USP9X: variants seen among roughly 807,000 people sequenced by gnomAD.
USP9X encodes ubiquitin carboxyl-terminal hydrolase 9X.
In USP9X, 7 loss-of-function variants were observed where a neutral mutation model predicts 190.3. That is an observed-to-expected ratio of 0.04 (90% CI 0.02 to 0.07). The LOEUF (loss-of-function observed/expected upper bound fraction) is 0.07. Among genes scored for constraint, USP9X ranks in the 10% least tolerant of loss-of-function variants. The probability of loss-of-function intolerance (pLI) is 1.00; values close to 1 mark genes in which losing one functional copy is unlikely to be tolerated. For missense variants in USP9X, 1,010 were observed against 1,916.9 expected, an observed-to-expected ratio of 0.53 and a Z score of 8.83; for synonymous variants, 645 against 659.5, an observed-to-expected ratio of 0.98 and a Z score of 0.34.
At chrX:41,123,200 A>T (rs2062205638) in intron 1 of USP9X, among the ~76,000 whole-genome samples, 2 of 112,111 alleles carry the variant, frequency 1.8e-5, no homozygotes, top group Non-Finnish European at 3.8e-5. Context: ...TAATTTAATT[A>T]AAATGACAGT....
rs192434469 is a variant in USP9X, at chrX:41,165,780, A to G, written c.1986-92A>G. ...TCTTTTTATCTATAGTTAAAATATA[A>G]TGGTGATAAATGTATTTTATAGGTA... is the stretch of plus-strand genomic sequence containing the variant. On this transcript the variant is annotated intron_variant, in intron 15 of 44. Coordinates refer to ENST00000378308, the MANE Select transcript of USP9X (RefSeq NM_001039591.3). The G allele has an allele frequency of 5.6e-5, 37 of 660,826 alleles. No individual in the cohort carries two copies. In the East Asian group the frequency reaches 1.3e-3, roughly 23 times the overall value. 54.5% of individuals were successfully genotyped at this position (660,826 alleles called of 1,213,427 possible). A position where few individuals can be genotyped will look rare whatever the true frequency, so the allele number is the denominator to read the frequency against.
chrX:41,132,179 G>A (rs1166202023), intron 4 of USP9X, among the ~76,000 whole-genome samples: 1 of 110,968 alleles, frequency 9.0e-6, no homozygotes, highest in Non-Finnish European at 1.9e-5. Context: ...TTGTCACCCA[G>A]GCTGGAGTGT....
intron 13 of USP9X, among the ~76,000 whole-genome samples, chrX:41,152,473 C>T: frequency 9.0e-6 from 1 of 111,126 alleles, no homozygotes; most frequent in Non-Finnish European, 1.9e-5. Flanking sequence ...TGTGGTGACA[C>T]CTGTGGGCAA....
intron 39 of USP9X, among the ~76,000 whole-genome samples, chrX:41,223,728 T>C (rs1448667191): frequency 8.9e-6 from 1 of 111,865 alleles, no homozygotes; most frequent in East Asian, 2.8e-4. Context: ...TGAGCCACCA[T>C]GCCCAGCCCT....
At chrX:41,185,473 A>C (rs1272702833) in intron 23 of USP9X, among the ~76,000 whole-genome samples, 2 of 111,527 alleles carry the variant, frequency 1.8e-5, no homozygotes, top group Non-Finnish European at 3.8e-5. Context: ...ATGGAAAGCA[A>C]GGGAGGATAG....
intron 11 of USP9X, among the ~76,000 whole-genome samples, chrX:41,145,013 T>C (rs1273998609): frequency 9.0e-6 from 1 of 111,688 alleles, no homozygotes; most frequent in Non-Finnish European, 1.9e-5. Context: ...AAAATGTAAC[T>C]GATAAGGTAG....
At chrX:41,126,470 A>G (rs1352937448) in intron 2 of USP9X, among the ~76,000 whole-genome samples, 1 of 111,738 alleles carries the variant, frequency 8.9e-6, no homozygotes, top group African/African-American at 3.3e-5. Context: ...TGTCCATGGA[A>G]TTCTAACCTT....
At chrX:41,111,525 G>A (rs1382906336) in intron 1 of USP9X, among the ~76,000 whole-genome samples, 4 of 111,947 alleles carry the variant, frequency 3.6e-5, no homozygotes, top group African/African-American at 1.3e-4. Flanking sequence ...TTAGTAAGAA[G>A]ATAAACTCAC....
chrX:41,204,916 TA>T (rs1247358793), intron 31 of USP9X: 1 of 117,215 alleles, frequency 8.5e-6, no homozygotes. Context: ...GCATTTTATA[TA>T]CAACAGCTAC....
At position 41,133,110 on chromosome X, in the gene USP9X, A is replaced by G; in HGVS notation, c.322+1574A>G. Among the ~76,000 whole-genome samples, 2 of 112,198 alleles carry G rather than the reference A, an allele frequency of 1.8e-5. 1 individual carries two copies. The highest frequency in any genetic ancestry group is 1.9e-4 in the Admixed American group (2 of 10,570). On this transcript the variant is annotated intron_variant, in intron 4 of 44. Transcript: ENST00000378308. ...GAAACTGATTATTGTCAAAATTAAC[A>G]TGTTTAGTACTTTAAGTTCAACTCC...
intron 1 of USP9X, among the ~76,000 whole-genome samples, chrX:41,112,523 TA>T (rs1423479632): frequency 8.9e-6 from 1 of 112,132 alleles, no homozygotes; most frequent in Non-Finnish European, 1.9e-5. Flanking sequence ...ATTATACAAA[TA>T]AAGCACCTAC....
intron 1 of USP9X, among the ~76,000 whole-genome samples, chrX:41,113,902 C>G (rs1192992089): frequency 8.9e-6 from 1 of 112,577 alleles, no homozygotes; most frequent in African/African-American, 3.2e-5. Context: ...TGCACACAAA[C>G]GTTTTTATAG....
chrX:41,145,326 T>G (rs140138967), intron 11 of USP9X, among the ~76,000 whole-genome samples: 136 of 112,343 alleles, frequency 1.2e-3, no homozygotes, highest in African/African-American at 4.3e-3. Context: ...TGGTAAAGTT[T>G]AAGATTCTCA....
chrX:41,150,887 G>T (rs375269763), intron 12 of USP9X, 34 bp from the exon 13 acceptor site: 6 of 1,148,160 alleles, frequency 5.2e-6, no homozygotes, highest in Admixed American at 5.3e-5. Context: ...CCTGAGTATT[G>T]ATCTATTTAA....
intron 15 of USP9X, among the ~76,000 whole-genome samples, chrX:41,165,369 A>T (rs1418329580): frequency 9.0e-6 from 1 of 111,631 alleles, no homozygotes; most frequent in African/African-American, 3.3e-5. Flanking sequence ...GGGACTACAG[A>T]CATGAGCCAC....
intron 14 of USP9X, among the ~76,000 whole-genome samples, chrX:41,154,612 A>G (rs1425836104): frequency 1.8e-5 from 2 of 111,847 alleles, no homozygotes; most frequent in Admixed American, 1.9e-4. Flanking sequence ...TATCACAGGA[A>G]TGATTACATT....
At chrX:41,207,079 CTTTTTTTTT>C (rs34779889) in intron 32 of USP9X, among the ~76,000 whole-genome samples, 2 of 30,484 alleles carry the variant, frequency 6.6e-5, no homozygotes, top group Non-Finnish European at 1.0e-4. Flanking sequence ...GCTCCCTGGC[CTTTTTTTTT>C]TTTTTTTTTT....
intron 3 of USP9X, among the ~76,000 whole-genome samples, chrX:41,130,429 C>G (rs1346025233): frequency 9.4e-6 from 1 of 106,791 alleles, no homozygotes; most frequent in Non-Finnish European, 1.9e-5. Flanking sequence ...TTAGCAAGTT[C>G]TCAGGGGGGA....
intron 1 of USP9X, among the ~76,000 whole-genome samples, chrX:41,105,878 T>C (rs1259558461): frequency 8.9e-6 from 1 of 112,308 alleles, no homozygotes; most frequent in Non-Finnish European, 1.9e-5. Flanking sequence ...TGCATTTCCC[T>C]GATGGCTAAT....
Sources: allele counts gnomAD v4.1 joint callset (sites outside exome capture counted in the v4.1 genomes callset), GRCh38; gene constraint gnomAD v4.1.1; transcripts MANE v1.5; gene names NCBI Gene and HGNC (gene_info 2026-07-23, HGNC 2026-07-21).